The following SPATA7 variants were observed in gnomAD, a reference collection of about 807,000 sequenced individuals.
SPATA7 encodes the protein spermatogenesis associated 7, also known as spermatogenesis-associated protein 7.
SPATA7 carries 43 observed loss-of-function variants against 51.8 expected under a neutral mutation model. The observed-to-expected ratio is 0.83, with a 90% confidence interval of 0.65 to 1.07. SPATA7 has a LOEUF of 1.07. Ranked by LOEUF, SPATA7 falls within the 50% of genes least tolerant of loss-of-function variation. The pLI is 0.00. For synonymous variants in SPATA7, 230 were observed against 252.8 expected, an observed-to-expected ratio of 0.91 and a Z score of 0.86; for missense variants, 683 against 701.3, an observed-to-expected ratio of 0.97 and a Z score of 0.30.
chr14:88,469,745 G>A lies in SPATA7; in HGVS notation c.255-102G>A, dbSNP rs771170916. 3.1e-6 allele frequency: 5 copies of A among 1,613,308 alleles called. No individual in the cohort carries two copies. The highest frequency in any genetic ancestry group is 1.3e-5 in the African/African-American group (1 of 74,912). ...TCCCTTCCACCCTCCTGTTAAAGAT[G>A]AGCATGGTTAAATGACTCGAGATCC... is the stretch of plus-strand genomic sequence containing the variant. On this transcript the variant is annotated intron_variant, in intron 4 of 4. Coordinates refer to the SPATA7 transcript ENST00000556406. The surrounding 1 kb of genome is among the most constrained non-coding windows in gnomAD (Gnocchi z 4.3).
At chr14:88,441,686 G>T (rs531415123), downstream of SPATA7, among the ~76,000 whole-genome samples, 1 of 152,048 alleles carries the variant, frequency 6.6e-6, no homozygotes, top group Non-Finnish European at 1.5e-5. Context: ...GCCCATTGTT[G>T]ATGGGATTGT....
downstream of SPATA7, among the ~76,000 whole-genome samples, chr14:88,439,603 T>C (rs2077163701): frequency 6.6e-6 from 1 of 152,154 alleles, no homozygotes; most frequent in Admixed American, 6.5e-5. Flanking sequence ...AACAGTGACT[T>C]CCAAGTATCC....
chr14:88,395,227 G>C (rs1260468821), intron 3 of SPATA7, among the ~76,000 whole-genome samples: 1 of 151,980 alleles, frequency 6.6e-6, no homozygotes, highest in African/African-American at 2.4e-5. Context: ...AATCAATATT[G>C]ATGCAATCCC....
At chr14:88,393,212 G>T (rs1357333189) in intron 2 of SPATA7, among the ~76,000 whole-genome samples, 181 bp from the exon 3 acceptor site, 2 of 152,076 alleles carry the variant, frequency 1.3e-5, no homozygotes, top group Non-Finnish European at 2.9e-5. Flanking sequence ...AACCCAAATG[G>T]TCAATAGCTC....
At chr14:88,429,890 C>CAATTTATT (rs2076894744) in intron 8 of SPATA7, among the ~76,000 whole-genome samples, 1 of 143,474 alleles carries the variant, frequency 7.0e-6, no homozygotes, top group South Asian at 2.3e-4. Context: ...TATGAAGACA[C>CAATTTATT]TATTTATTTA....
At chr14:88,398,146 T>G (rs987171675) in intron 4 of SPATA7, among the ~76,000 whole-genome samples, 7 of 152,214 alleles carry the variant, frequency 4.6e-5, no homozygotes, top group Non-Finnish European at 8.8e-5. Flanking sequence ...AGCCTTTGAT[T>G]GTCGTATTAA....
At chr14:88,467,249 A>G (rs372373190) in intron 4 of SPATA7, 3 of 151,742 alleles carry the variant, frequency 2.0e-5, no homozygotes, top group East Asian at 3.8e-4. Context: ...AAAGCAACAC[A>G]TATATTAAAA....
At chr14:88,396,333 A>G (rs2075879170) in intron 4 of SPATA7, 130 bp downstream of exon 4, 1 of 678,766 alleles carries the variant, frequency 1.5e-6, no homozygotes. Flanking sequence ...TTGTGGTACA[A>G]TGATAACTAC....
At chr14:88,468,216 A>G in intron 4 of SPATA7, 5 of 1,610,894 alleles carry the variant, frequency 3.1e-6, no homozygotes, top group Non-Finnish European at 4.2e-6. Flanking sequence ...CTGCACCAGC[A>G]TCATTCTCTG....
intron 1 of SPATA7, among the ~76,000 whole-genome samples, chr14:88,391,178 A>G (rs1184979596): frequency 1.3e-5 from 2 of 152,208 alleles, no homozygotes. Flanking sequence ...GGGATAAAGC[A>G]TTTATATTTT....
chr14:88,429,387 G>T lies in SPATA7; in HGVS notation c.952G>T (p.Ala318Ser), dbSNP rs779479852. 1 of 1,612,470 alleles carries T rather than the reference G, an allele frequency of 6.2e-7. No homozygotes were observed. Among genetic ancestry groups the T allele is most frequent in the East Asian group, 2.2e-5 (1 of 44,760 alleles). Residue 318 changes from alanine to serine, a missense_variant, in exon 8 of 12, where the codon GCT becomes TCT. Ala to Ser is a moderately conservative substitution (Grantham distance 99, BLOSUM62 1). Coordinates refer to ENST00000393545, the MANE Select transcript of SPATA7 (RefSeq NM_018418.5). ...CVTYDAKEKI[A>S]PLPLEGHDST... ...GACATATGATGCCAAAGAAAAAATA[G>T]CTCCTTTACCTTTAGAAGGGCATGA...
intron 4 of SPATA7, among the ~76,000 whole-genome samples, chr14:88,402,611 A>G (rs73321862): frequency 0.035 from 5,366 of 152,222 alleles, 311 homozygotes; most frequent in African/African-American, 0.12. Flanking sequence ...ATGAAAATGG[A>G]CTCTTAAACC....
downstream of SPATA7, among the ~76,000 whole-genome samples, chr14:88,442,878 A>C (rs2077187132): frequency 6.6e-6 from 1 of 151,368 alleles, no homozygotes; most frequent in African/African-American, 2.4e-5. Flanking sequence ...TCTTCTTTGA[A>C]TGTCTGATAG....
intron 4 of SPATA7, among the ~76,000 whole-genome samples, chr14:88,398,117 CA>C (rs970182223): frequency 6.6e-6 from 1 of 151,692 alleles, no homozygotes; most frequent in African/African-American, 2.4e-5. Context: ...TAAAAATAGG[CA>C]AAAAACATGG....
chr14:88,445,964 C>T (rs575663223), intron 3 of SPATA7, among the ~76,000 whole-genome samples: 30 of 152,292 alleles, frequency 2.0e-4, no homozygotes, highest in African/African-American at 5.3e-4. Context: ...GGTTGTATCT[C>T]TGTCCGGCTT....
At chr14:88,437,341 A>G (rs1346364285) in intron 10 of SPATA7, among the ~76,000 whole-genome samples, 1 of 152,102 alleles carries the variant, frequency 6.6e-6, no homozygotes, top group Non-Finnish European at 1.5e-5. Context: ...AGTAGCATAC[A>G]GTCTTTCAGA....
intron 4 of SPATA7, among the ~76,000 whole-genome samples, chr14:88,406,518 G>T (rs2076203874): frequency 6.6e-6 from 1 of 150,792 alleles, no homozygotes; most frequent in South Asian, 2.1e-4. Context: ...AAATCAAAAT[G>T]ATCTTTAATC....
At position 88,427,713 on chromosome 14, in the gene SPATA7, CT is replaced by C; in HGVS notation, c.912+21del. On this transcript the variant is annotated intron_variant, in intron 7 of 11. Transcript: ENST00000393545. Reference sequence around the variant, plus strand: ...ATAAAGCAGGTAATAAGTATGAAATCTTTTGGTATTGCTACATTTGAATTAC... The same window carrying C: ...ATAAAGCAGGTAATAAGTATGAAATCTTTGGTATTGCTACATTTGAATTAC... The C allele has an allele frequency of 6.4e-7, 1 of 1,552,242 alleles. No homozygotes were observed. The highest frequency in any genetic ancestry group is 8.9e-7 in the Non-Finnish European group (1 of 1,124,618).
intron 4 of SPATA7, among the ~76,000 whole-genome samples, chr14:88,404,442 C>T (rs1383485901): frequency 6.6e-6 from 1 of 152,206 alleles, no homozygotes; most frequent in African/African-American, 2.4e-5. Context: ...TTAGGTCAGG[C>T]GTTGTGGCTC....
Sources: allele counts gnomAD v4.1 joint callset (sites outside exome capture counted in the v4.1 genomes callset), GRCh38; gene constraint gnomAD v4.1.1; non-coding constraint Gnocchi (gnomAD v3.1); transcripts MANE v1.5; gene names NCBI Gene and HGNC (gene_info 2026-07-23, HGNC 2026-07-21).